Variants in TMEM168 observed in about 807,000 individuals in gnomAD.
The protein encoded by TMEM168 is transmembrane protein 168.
Under a neutral mutation model 53.2 loss-of-function variants are expected in TMEM168, and 40 were observed. The ratio of observed to expected loss-of-function variants is 0.75; its 90% confidence interval spans 0.58 to 0.98. The LOEUF is 0.98. Among genes scored for constraint, TMEM168 ranks in the 50% least tolerant of loss-of-function variants. TMEM168 has a pLI of 0.00. For missense variants in TMEM168, 771 were observed against 828.8 expected, an observed-to-expected ratio of 0.93 and a Z score of 0.86; for synonymous variants, 282 against 293.0, an observed-to-expected ratio of 0.96 and a Z score of 0.38.
At chr7:112,776,097 A>G (rs1251515387) in intron 2 of TMEM168, among the ~76,000 whole-genome samples, 1 of 151,016 alleles carries the variant, frequency 6.6e-6, no homozygotes, top group Non-Finnish European at 1.5e-5. Context: ...TGCTTTCTGT[A>G]TTCTTTCTCT....
At chr7:112,768,422 C>T (rs955411833) in intron 4 of TMEM168, among the ~76,000 whole-genome samples, 1 of 152,054 alleles carries the variant, frequency 6.6e-6, no homozygotes, top group African/African-American at 2.4e-5. Flanking sequence ...TCCTTCTCTT[C>T]CTCATATGTA....
In TMEM168 at chr7:112,784,108, C is replaced by T. The variant is rs751219377; in HGVS notation, c.718G>A (p.Asp240Asn). Residue 240 changes from aspartate to asparagine, a missense_variant, in exon 2 of 5, where the codon GAC becomes AAC. Physicochemically the swap from Asp to Asn is conservative, Grantham distance 23. Transcript: ENST00000312814. ...FICLITDPFL[D>N]IYFSGLSVTE... ...ACTGAAAGTCCACTAAAATAAATGT[C>T]AAGGAAAGGATCAGTTATCAGGCAA... 42 of 1,613,258 alleles carry T rather than the reference C, an allele frequency of 2.6e-5. No homozygotes were observed. Among genetic ancestry groups the T allele is most frequent in the Non-Finnish European group, 3.2e-5 (38 of 1,179,880 alleles).
At chr7:112,780,621 G>T (rs1224560684) in intron 2 of TMEM168, among the ~76,000 whole-genome samples, 3 of 152,180 alleles carry the variant, frequency 2.0e-5, no homozygotes, top group Admixed American at 6.5e-5. Flanking sequence ...ACTTTGGAAG[G>T]CCAAGGCAGG....
At position 112,775,294 on chromosome 7, in the gene TMEM168, T is replaced by C. The variant is rs746592980; in HGVS notation, c.1153A>G (p.Met385Val). Reference sequence around the variant, plus strand: ...TCCAATGGCAAAACGATTAGAAACATGCTCAAGAAAATTCCATTTGTTGGC... The same window carrying C: ...TCCAATGGCAAAACGATTAGAAACACGCTCAAGAAAATTCCATTTGTTGGC... ...WQPTNGIFLS[M>V]FLIVLPLESM... Residue 385 changes from methionine to valine, a missense_variant, in exon 3 of 5, where the codon ATG (methionine) becomes GTG (valine). Coordinates refer to ENST00000312814, the MANE Select transcript of TMEM168 (RefSeq NM_022484.6). 6.4e-5 allele frequency: 103 copies of C among 1,613,226 alleles called. No individual in the cohort carries two copies. The East Asian group carries it at 2.1e-3, about 32-fold the overall frequency.
rs763721025 is a variant in TMEM168 at position 112,772,982 on chromosome 7, T to C, written c.1345A>G (p.Asn449Asp). The C allele has an allele frequency of 6.2e-7, 1 of 1,614,042 alleles. No individual in the cohort carries two copies. The highest frequency in any genetic ancestry group is 8.5e-7 in the Non-Finnish European group (1 of 1,179,928). Residue 449 changes from asparagine (N) to aspartate (D), a missense_variant, in exon 4 of 5, where the codon AAT (asparagine) becomes GAT (aspartate). Transcript: ENST00000312814. The part of the protein sequence containing the change: ...ELNLRSTGML[N>D]AIQRFFAYHM... ...TATGCAAAAAATCTTTGGATAGCAT[T>C]GAGCATGCCAGTAGACCTCAAATTT...
chr7:112,775,989 G>T (rs778134937), intron 2 of TMEM168, among the ~76,000 whole-genome samples: 10 of 151,746 alleles, frequency 6.6e-5, no homozygotes, highest in Non-Finnish European at 1.3e-4. Context: ...GGTATTAATT[G>T]CAATGAAAAA....
chr7:112,767,529 A>G lies in TMEM168; in HGVS notation c.1762T>C (p.Phe588Leu). 1.9e-6 allele frequency: 3 copies of G among 1,614,152 alleles called. No individual in the cohort carries two copies. The highest frequency in any genetic ancestry group is 1.7e-6 in the Non-Finnish European group (2 of 1,180,016). The change falls in exon 5 of 5, where the codon TTT (phenylalanine) becomes CTT (leucine). Residue 588 changes from phenylalanine to leucine, a missense_variant. Phe to Leu is a conservative substitution (Grantham distance 22, BLOSUM62 0). Transcript: ENST00000312814. ...EEADPPQLGD[F>L]TKDWVEYNCN... ...TTATATTCTACCCAGTCTTTTGTAA[A>G]GTCACCTAGCTGTGGCGGGTCAGCT...
chr7:112,774,359 ATTTTTTTTTTT>A (rs558123531), intron 3 of TMEM168, among the ~76,000 whole-genome samples: 1 of 94,254 alleles, frequency 1.1e-5, no homozygotes, highest in Non-Finnish European at 2.2e-5. Context: ...GTGTTTTTAC[ATTTTTTTTTTT>A]TTTTTTTTTT....
chr7:112,782,946 T>C (rs1441043448), intron 2 of TMEM168, among the ~76,000 whole-genome samples: 2 of 152,248 alleles, frequency 1.3e-5, no homozygotes, highest in Non-Finnish European at 2.9e-5. Flanking sequence ...CATTGGAGAC[T>C]GTGCCACCTT....
rs573864765 is a variant in TMEM168 at position 112,783,862 on chromosome 7, T to C, written c.964A>G (p.Lys322Glu). 6.2e-7 allele frequency: 1 copy of C among 1,603,392 alleles called. No individual in the cohort carries two copies. The highest frequency in any genetic ancestry group is 2.2e-5 in the East Asian group (1 of 44,792). ...FLLTLWGFHT[K>E]LNDCHKVYFT... The stretch of plus-strand genomic sequence containing the variant: ...TATACTTTATGGCAGTCATTTAATT[T>C]GGTATGGAATCCCCAAAGAGTTAAA... Residue 322 changes from lysine to glutamate, a missense_variant, in exon 2 of 5, where the codon AAA becomes GAA. By Grantham distance (56) the Lys-to-Glu change is moderately conservative (BLOSUM62 1). Coordinates refer to ENST00000312814, the MANE Select transcript of TMEM168 (RefSeq NM_022484.6).
At position 112,784,173 on chromosome 7, in the gene TMEM168, T is replaced by G; in HGVS notation, c.653A>C (p.Glu218Ala). ...FAVLLFFSSL[E>A]TPKNPIAFAC... ...AAAAGCAATCGGATTTTTGGGAGTT[T>G]CCAATGAGGAAAAAAATAACAAAAC... Residue 218 changes from glutamate to alanine, a missense_variant, in exon 2 of 5, where the codon GAA (glutamate) becomes GCA (alanine). Coordinates refer to ENST00000312814, the MANE Select transcript of TMEM168 (RefSeq NM_022484.6). 2 of 1,613,890 alleles carry G rather than the reference T, an allele frequency of 1.2e-6. No homozygotes were observed. Among genetic ancestry groups the G allele is most frequent in the Non-Finnish European group, 1.7e-6 (2 of 1,179,976 alleles).
Position 112,773,687 on chromosome 7 carries a change from G to A in TMEM168, c.1272-632C>T, listed in dbSNP as rs375456035. 7.2e-5 allele frequency among the ~76,000 whole-genome samples: 11 copies of A among 152,094 alleles called. No homozygotes were observed. In the East Asian group the frequency reaches 2.1e-3, roughly 29 times the overall value. ...TAAAATGGTACTCTAGTACAAAGATGATAAAGCAAGTCTTATAACTAGCAA... is the reference window on the plus strand; with the variant it reads ...TAAAATGGTACTCTAGTACAAAGATAATAAAGCAAGTCTTATAACTAGCAA... On this transcript the variant is annotated intron_variant, in intron 3 of 4. Transcript: ENST00000312814.
chr7:112,765,117 A>T lies in TMEM168; in HGVS notation c.*2080T>A, dbSNP rs1792743156. The stretch of plus-strand genomic sequence containing the variant: ...AGGCGTGAGCCACTGCACCCGGCCT[A>T]GTTATTGTTTTTAAAATGTTAGCTT... On this transcript the variant is annotated 3_prime_UTR_variant, in exon 5 of 5. Transcript: ENST00000312814. 1 of 152,190 alleles carries T rather than the reference A, an allele frequency of 6.6e-6. No homozygotes were observed. 9.4% of individuals were successfully genotyped at this position (152,190 alleles called of 1,614,324 possible).
At chr7:112,781,035 T>C (rs1030210722) in intron 2 of TMEM168, among the ~76,000 whole-genome samples, 10 of 151,278 alleles carry the variant, frequency 6.6e-5, no homozygotes, top group Admixed American at 6.6e-4. Context: ...TCAACTATGC[T>C]GTTTACCATA....
intron 2 of TMEM168, among the ~76,000 whole-genome samples, chr7:112,778,946 C>T (rs760653082): frequency 2.0e-5 from 3 of 152,090 alleles, no homozygotes; most frequent in South Asian, 4.1e-4. Flanking sequence ...TGGAGTGCAG[C>T]GGCATGATCA....
chr7:112,778,992 G>C (rs1396620230), intron 2 of TMEM168, among the ~76,000 whole-genome samples: 1 of 152,082 alleles, frequency 6.6e-6, no homozygotes, highest in Non-Finnish European at 1.5e-5. Flanking sequence ...AGGCTCATGT[G>C]ATCCTACCAC....
rs927832480 is a variant in TMEM168, at chr7:112,765,729, A to AAATT, written c.*1464_*1467dup. 1.3e-5 allele frequency: 2 copies of AAATT among 152,768 alleles called. No individual in the cohort carries two copies. The highest frequency in any genetic ancestry group is 4.8e-5 in the African/African-American group (2 of 41,600). 9.5% of individuals were successfully genotyped at this position (152,768 alleles called of 1,614,324 possible). A position where few individuals can be genotyped will look rare whatever the true frequency, so the allele number is the denominator to read the frequency against. On this transcript the variant is annotated 3_prime_UTR_variant, in exon 5 of 5. Coordinates refer to ENST00000312814, the MANE Select transcript of TMEM168 (RefSeq NM_022484.6). ...CAATATTTGCACATCATTAAATAAAAAATTAATTTTTAACAAAATTTTATT... is the reference window on the plus strand; with the variant it reads ...CAATATTTGCACATCATTAAATAAAAAATTAATTAATTTTTAACAAAATTTTATT...
At chr7:112,782,224 GAA>G (rs775176941) in intron 2 of TMEM168, among the ~76,000 whole-genome samples, 3 of 152,172 alleles carry the variant, frequency 2.0e-5, no homozygotes, top group Non-Finnish European at 4.4e-5. Context: ...GAGTAGAATG[GAA>G]GGTGAGAATC....
chr7:112,775,367 T>TACAC, intron 2 of TMEM168, 49 bp from the exon 3 acceptor site: 1 of 1,470,800 alleles, frequency 6.8e-7, no homozygotes, highest in Non-Finnish European at 9.3e-7. Flanking sequence ...CATATGTGTA[T>TACAC]ATATTTACAT....
Sources: gnomAD v4.1 joint callset for allele counts (sites outside exome capture counted in the v4.1 genomes callset) on GRCh38, gnomAD v4.1.1 for gene constraint, MANE v1.5 for transcripts, NCBI Gene and HGNC (gene_info 2026-07-23, HGNC 2026-07-21) for gene names.